CAMTA1: variants seen among roughly 807,000 people sequenced by gnomAD.
The protein encoded by CAMTA1 is calmodulin-binding transcription activator 1.
A neutral mutation model predicts 170.9 loss-of-function variants in CAMTA1; 27 were observed. The observed-to-expected ratio is 0.16, with a 90% CI of 0.12 to 0.22. The LOEUF is 0.22. CAMTA1 is among the 10% of genes least tolerant of loss of function. The pLI, the probability that CAMTA1 is intolerant of heterozygous loss-of-function variation, is 1.00. For missense variants in CAMTA1, 1,619 were observed against 2,217.2 expected (o/e 0.73, Z 5.42); for synonymous variants, 833 against 891.5 (o/e 0.93, Z 1.17).
intron 4 of CAMTA1, among the ~76,000 whole-genome samples, chr1:7,134,227 A>C (rs984038773): frequency 3.3e-5 from 5 of 152,184 alleles, no homozygotes; most frequent in African/African-American, 1.2e-4. Flanking sequence ...AAAGGACATG[A>C]TTTCATTCTA....
intron 5 of CAMTA1, among the ~76,000 whole-genome samples, chr1:7,402,914 G>A (rs771318696): frequency 1.4e-4 from 21 of 152,216 alleles, no homozygotes; most frequent in Non-Finnish European, 2.5e-4. Context: ...AATGGGGCAC[G>A]CGGGACTCGC....
chr1:7,133,363 T>C (rs903210705), intron 4 of CAMTA1, among the ~76,000 whole-genome samples: 1 of 152,238 alleles, frequency 6.6e-6, no homozygotes. Context: ...TTCATTGCCG[T>C]AAAATTATTC....
intron 3 of CAMTA1, among the ~76,000 whole-genome samples, chr1:6,878,450 A>G (rs1557750075): frequency 6.6e-6 from 1 of 152,206 alleles, no homozygotes; most frequent in Non-Finnish European, 1.5e-5. Context: ...ATTAAATTAG[A>G]GGGCTATCAT....
chr1:7,685,487 CCT>C lies in CAMTA1; in HGVS notation c.2914+7755_2914+7756del, dbSNP rs1018694580. ...TCATTCCACTTGAGGACTCCCAGCC[CCT>C]GTGTCCCCATTGATGGCCCCTTCCC... On this transcript the variant is annotated intron_variant, in intron 11 of 22. Coordinates refer to ENST00000303635, the MANE Select transcript of CAMTA1 (RefSeq NM_015215.4). The surrounding 1 kb of genome is among the most constrained non-coding windows in gnomAD (Gnocchi z 5.7). 5.9e-5 allele frequency among the ~76,000 whole-genome samples: 9 copies of C among 152,322 alleles called. No individual in the cohort carries two copies. In the East Asian group the frequency reaches 9.7e-4, roughly 16 times the overall value.
chr1:7,649,132 G>A (rs891181575), intron 7 of CAMTA1, among the ~76,000 whole-genome samples: 3 of 152,230 alleles, frequency 2.0e-5, no homozygotes, highest in Admixed American at 6.5e-5. Context: ...TAAGAAATAC[G>A]ACTCTAGAAG....
At chr1:7,149,770 C>A (rs1291140464) in intron 4 of CAMTA1, among the ~76,000 whole-genome samples, 1 of 152,206 alleles carries the variant, frequency 6.6e-6, no homozygotes, top group Non-Finnish European at 1.5e-5. Flanking sequence ...CGGCGGCCAG[C>A]AGGTCAGAGC....
At chr1:7,409,459 C>A (rs919637880) in intron 5 of CAMTA1, among the ~76,000 whole-genome samples, 4 of 152,186 alleles carry the variant, frequency 2.6e-5, no homozygotes, top group African/African-American at 9.7e-5. Flanking sequence ...GAGAGCCTGG[C>A]CAGTGGGAAA....
At chr1:7,157,344 CAAAAA>C (rs57248086) in intron 4 of CAMTA1, among the ~76,000 whole-genome samples, 2 of 99,496 alleles carry the variant, frequency 2.0e-5, no homozygotes, top group Non-Finnish European at 3.8e-5. Flanking sequence ...GACTCTGTCT[CAAAAA>C]AAAAAAAAAA....
At chr1:7,523,597 G>A (rs1374559614) in intron 6 of CAMTA1, among the ~76,000 whole-genome samples, 6 of 152,116 alleles carry the variant, frequency 3.9e-5, no homozygotes, top group African/African-American at 1.4e-4. Context: ...TTTCATTTTT[G>A]GCCGGGTGCG....
intron 5 of CAMTA1, among the ~76,000 whole-genome samples, chr1:7,364,257 C>T (rs845263): frequency 0.64 from 96,996 of 151,956 alleles, 32,495 homozygotes; most frequent in Middle Eastern, 0.76. Flanking sequence ...TGCATGGTGC[C>T]AGAACAACAT....
At chr1:7,623,075 T>G (rs1011667501) in intron 6 of CAMTA1, among the ~76,000 whole-genome samples, 1 of 152,224 alleles carries the variant, frequency 6.6e-6, no homozygotes, top group Non-Finnish European at 1.5e-5. Flanking sequence ...GCTCGCTGGC[T>G]AAATTCTCCA....
intron 5 of CAMTA1, among the ~76,000 whole-genome samples, chr1:7,294,602 C>T (rs1276873126): frequency 6.6e-6 from 1 of 152,216 alleles, no homozygotes; most frequent in African/African-American, 2.4e-5. Context: ...ACTTTGCTCT[C>T]GTTCAGCTTC....
rs181061891 is a variant in CAMTA1, at chr1:7,497,683, T to A, written c.510+29782T>A. ...TCACTGCACCTTCTCTTAAGGGACT[T>A]CCCTGACTGGAGAGACAGCCACACA... On this transcript the variant is annotated intron_variant, in intron 6 of 22. Coordinates refer to ENST00000303635, the MANE Select transcript of CAMTA1 (RefSeq NM_015215.4). Among the ~76,000 whole-genome samples, 210 of 152,260 alleles carry A rather than the reference T, an allele frequency of 1.4e-3. 2 individuals are homozygous for A. Among genetic ancestry groups the A allele is most frequent in the Admixed American group, 3.1e-3 (48 of 15,294 alleles).
chr1:7,091,275 GTTA>G, intron 3 of CAMTA1, 26 bp from the exon 4 acceptor site: 1 of 1,523,322 alleles, frequency 6.6e-7, no homozygotes, highest in African/African-American at 1.4e-5. Flanking sequence ...GCTAATTGTT[GTTA>G]TTATCTTTTT....
At position 7,642,151 on chromosome 1, in the gene CAMTA1, G is replaced by A. The variant is rs1052294421; in HGVS notation, c.664+1598G>A. ...CACACCCCTGTGCCCTGGCCTCCTC[G>A]AGCCCCCACGGGGGAGATGTCAGCT... On this transcript the variant is annotated intron_variant, in intron 7 of 22. Coordinates refer to ENST00000303635, the MANE Select transcript of CAMTA1 (RefSeq NM_015215.4). This position sits in a 1 kb window ranked among gnomAD's most constrained non-coding sequence, Gnocchi z 6.3. Among the ~76,000 whole-genome samples the A allele has an allele frequency of 1.3e-5, 2 of 152,174 alleles. No individual in the cohort carries two copies. The highest frequency in any genetic ancestry group is 2.1e-4 in the South Asian group (1 of 4,820).
intron 6 of CAMTA1, among the ~76,000 whole-genome samples, chr1:7,553,335 C>G (rs2094833601): frequency 6.6e-6 from 1 of 152,208 alleles, no homozygotes; most frequent in Admixed American, 6.5e-5. Flanking sequence ...ATGAAGAGGG[C>G]ACACTGGCAG....
intron 1 of CAMTA1, among the ~76,000 whole-genome samples, chr1:6,807,976 A>G (rs1275206119): frequency 3.3e-5 from 5 of 151,814 alleles, no homozygotes; most frequent in Non-Finnish European, 7.4e-5. Context: ...GGGAAGATGG[A>G]AAGACTTCCG....
Position 7,156,508 on chromosome 1 carries a change from C to G in CAMTA1, c.302+65137C>G, listed in dbSNP as rs372116189. On this transcript the variant is annotated intron_variant, in intron 4 of 22. Coordinates refer to ENST00000303635, the MANE Select transcript of CAMTA1 (RefSeq NM_015215.4). ...CTGAATTCCCTTCAAAATGAGCTCC[C>G]TCTGACCTGCACTGACTATTCACAG... is the stretch of plus-strand genomic sequence containing the variant. 1.5e-3 allele frequency among the ~76,000 whole-genome samples: 230 copies of G among 152,300 alleles called. 4 individuals are homozygous for G. The South Asian group carries it at 0.03, about 20-fold the overall frequency.
rs886540254 is a variant in CAMTA1, at chr1:7,144,526, T to C, written c.302+53155T>C. On this transcript the variant is annotated intron_variant, in intron 4 of 22. Coordinates refer to ENST00000303635, the MANE Select transcript of CAMTA1 (RefSeq NM_015215.4). The surrounding 1 kb of genome is among the most constrained non-coding windows in gnomAD (Gnocchi z 4.0). Reference sequence around the variant, plus strand: ...CTATCAGGACCGATATATATAACACTAGGCAGGATTAGAAGATTTGCCTTG... The same window carrying C: ...CTATCAGGACCGATATATATAACACCAGGCAGGATTAGAAGATTTGCCTTG... 1.3e-5 allele frequency among the ~76,000 whole-genome samples: 2 copies of C among 152,278 alleles called. No homozygotes were observed. The highest frequency in any genetic ancestry group is 2.9e-5 in the Non-Finnish European group (2 of 68,014).
Sources: gnomAD v4.1 joint callset for allele counts (sites outside exome capture counted in the v4.1 genomes callset) on GRCh38, gnomAD v4.1.1 for gene constraint, Gnocchi (gnomAD v3.1) non-coding constraint, MANE v1.5 for transcripts, NCBI Gene and HGNC (gene_info 2026-07-23, HGNC 2026-07-21) for gene names.